PPP6R3: variants seen among roughly 807,000 people sequenced by gnomAD.
PPP6R3 encodes the protein serine/threonine-protein phosphatase 6 regulatory subunit 3.
PPP6R3 carries 38 observed loss-of-function variants against 110.7 expected under a neutral mutation model. The observed-to-expected ratio is 0.34, with a 90% CI of 0.26 to 0.45. The LOEUF is 0.45. Among genes scored for constraint, PPP6R3 ranks in the 20% least tolerant of loss-of-function variants. The pLI is 1.00. For missense variants in PPP6R3, 870 were observed against 1,062.4 expected, an observed-to-expected ratio of 0.82 and a Z score of 2.52; for synonymous variants, 369 against 373.5, an observed-to-expected ratio of 0.99 and a Z score of 0.14.
intron 1 of PPP6R3, among the ~76,000 whole-genome samples, chr11:68,512,707 A>C (rs2099116729): frequency 6.6e-6 from 1 of 152,186 alleles, no homozygotes. Flanking sequence ...AAACCTGGTG[A>C]AACATTAGGT....
rs2099096680 is a variant in PPP6R3 at position 68,509,486 on chromosome 11, T to TTTTTTG, written c.-157-10012_-157-10011insTTGTTT. On this transcript the variant is annotated intron_variant, in intron 1 of 23. Coordinates refer to ENST00000393800, the MANE Select transcript of PPP6R3 (RefSeq NM_001164161.2). ...TACTTCTCTATTTTTTTTTTTTTTT[T>TTTTTTG]TTTACCAAGTCCTGCTTAATTTTTT... Among the ~76,000 whole-genome samples the TTTTTTG allele has an allele frequency of 5.3e-5, 8 of 151,446 alleles. No individual in the cohort carries two copies. The South Asian group carries it at 1.7e-3, about 31-fold the overall frequency.
At chr11:68,539,064 A>G (rs558622110) in intron 3 of PPP6R3, among the ~76,000 whole-genome samples, 2 of 152,168 alleles carry the variant, frequency 1.3e-5, no homozygotes, top group Admixed American at 6.5e-5. Context: ...TGACAGACCT[A>G]CTAGTGTGCT....
intron 1 of PPP6R3, among the ~76,000 whole-genome samples, chr11:68,478,647 G>GTTTTTTTTTT (rs769296530): frequency 0.077 from 3,881 of 50,490 alleles, 1,485 homozygotes; most frequent in Middle Eastern, 0.091. Context: ...CACTTGGTAA[G>GTTTTTTTTTT]TTTTTTTTTT....
Position 68,613,137 on chromosome 11 carries a change from C to T in PPP6R3, c.*20C>T. On this transcript the variant is annotated 3_prime_UTR_variant, in exon 24 of 24. Coordinates refer to ENST00000393800, the MANE Select transcript of PPP6R3 (RefSeq NM_001164161.2). ...GTATGACGGGTGACGTCTGCTGCTG[C>T]TGACTGAGGACTGCAGACCGCCACC... The T allele has an allele frequency of 6.2e-7, 1 of 1,613,818 alleles. No homozygotes were observed. Among genetic ancestry groups the T allele is most frequent in the East Asian group, 2.2e-5 (1 of 44,860 alleles).
chr11:68,613,533 T>C lies in PPP6R3; in HGVS notation c.*416T>C. 1.0e-6 allele frequency: 1 copy of C among 987,278 alleles called. No homozygotes were observed. Among genetic ancestry groups the C allele is most frequent in the Non-Finnish European group, 1.2e-6 (1 of 830,952 alleles). The allele number at this position is 987,278 out of a possible 1,614,324, so 61.2% of individuals were successfully genotyped here. On this transcript the variant is annotated 3_prime_UTR_variant, in exon 24 of 24. Coordinates refer to ENST00000393800, the MANE Select transcript of PPP6R3 (RefSeq NM_001164161.2). ...AAGTATTAGGCGGTTTTCATACATT[T>C]TTCACCTTGTACAAAATTATGAATT...
At chr11:68,546,290 T>C (rs990512481) in intron 4 of PPP6R3, among the ~76,000 whole-genome samples, 6 of 152,212 alleles carry the variant, frequency 3.9e-5, no homozygotes, top group African/African-American at 1.2e-4. Flanking sequence ...CCTATCACCC[T>C]GATATTACCA....
chr11:68,526,334 G>A (rs557297813), intron 2 of PPP6R3, among the ~76,000 whole-genome samples: 71 of 152,068 alleles, frequency 4.7e-4, no homozygotes, highest in Admixed American at 7.9e-4. Context: ...CTGCTTCCCA[G>A]GCTCAAGTGA....
chr11:68,475,489 G>T (rs1250023157), intron 1 of PPP6R3, among the ~76,000 whole-genome samples: 2 of 152,008 alleles, frequency 1.3e-5, no homozygotes, highest in Non-Finnish European at 2.9e-5. Context: ...AGAAGGGGCG[G>T]CCGAGCAGAG....
At chr11:68,576,566 T>G (rs1326185901) in intron 14 of PPP6R3, among the ~76,000 whole-genome samples, 1 of 152,240 alleles carries the variant, frequency 6.6e-6, no homozygotes, top group Non-Finnish European at 1.5e-5. Flanking sequence ...AATAATGGCA[T>G]TGATAATTTT....
intron 14 of PPP6R3, among the ~76,000 whole-genome samples, chr11:68,577,720 G>A (rs1421275674): frequency 6.6e-6 from 1 of 152,028 alleles, no homozygotes; most frequent in Non-Finnish European, 1.5e-5. Context: ...AGAAGGGTGT[G>A]GTCATCCCGC....
rs189542273 is a variant in PPP6R3 at position 68,614,996 on chromosome 11, G to A, written c.*1879G>A. On this transcript the variant is annotated 3_prime_UTR_variant, in exon 24 of 24. Coordinates refer to ENST00000393800, the MANE Select transcript of PPP6R3 (RefSeq NM_001164161.2). ...CTGGTGGCTTCTCCATCCCACTGTG[G>A]CCTCTGTGGTATGGACCTGGTGGCT... 7.4e-5 allele frequency: 41 copies of A among 550,858 alleles called. No individual in the cohort carries two copies. The East Asian group carries it at 1.7e-3, about 23-fold the overall frequency. 34.1% of individuals were successfully genotyped at this position (550,858 alleles called of 1,614,324 possible).
intron 23 of PPP6R3, 147 bp from the exon 24 acceptor site, chr11:68,612,919 C>G: frequency 7.0e-7 from 1 of 1,431,862 alleles, no homozygotes; most frequent in Non-Finnish European, 9.3e-7. Flanking sequence ...TTGCTCCATT[C>G]ATTTACATAT....
chr11:68,593,090 C>T (rs1450178514), intron 18 of PPP6R3, among the ~76,000 whole-genome samples: 3 of 152,180 alleles, frequency 2.0e-5, no homozygotes, highest in Admixed American at 1.3e-4. Context: ...GAAATTTCAA[C>T]ATGTATATAC....
Position 68,613,115 on chromosome 11 carries a change from T to C in PPP6R3, c.2620T>C (p.Ter874ArgextTer9), listed in dbSNP as rs774439010. The C allele has an allele frequency of 4.3e-6, 7 of 1,613,990 alleles. No individual in the cohort carries two copies. Among genetic ancestry groups the C allele is most frequent in the Non-Finnish European group, 4.2e-6 (5 of 1,180,012 alleles). ...PGDTSVNGPV[*>R] is the part of the protein sequence containing the mutation. ...TGACACTTCAGTGAATGGCCCTGTA[T>C]GACGGGTGACGTCTGCTGCTGCTGA... The change falls in exon 24 of 24, where the codon TGA becomes CGA. Residue 874 changes from the stop codon to arginine, a stop_lost. Transcript: ENST00000393800.
intron 21 of PPP6R3, among the ~76,000 whole-genome samples, chr11:68,603,006 T>C (rs1409897176): frequency 2.6e-5 from 4 of 151,474 alleles, no homozygotes; most frequent in East Asian, 3.9e-4. Flanking sequence ...GAGGGTAGAG[T>C]GTGTAACTGC....
rs1156285158 is a variant in PPP6R3 at position 68,463,355 on chromosome 11, G to GAA, written c.-158+2549_-158+2550dup. On this transcript the variant is annotated intron_variant, in intron 1 of 23. Coordinates refer to ENST00000393800, the MANE Select transcript of PPP6R3 (RefSeq NM_001164161.2). ...GGAGACAGAGCGAGACTCAGTCTCA[G>GAA]AAAAAAAAAAAAAAAAAAAAAAGAT... Among the ~76,000 whole-genome samples, 176 of 54,410 alleles carry GAA rather than the reference G, an allele frequency of 3.2e-3. 2 individuals are homozygous for GAA. The highest frequency in any genetic ancestry group is 0.012 in the Middle Eastern group (1 of 84). 35.7% of individuals were successfully genotyped at this position (54,410 alleles called of 152,430 possible).
At chr11:68,566,150 A>G (rs1432958461) in intron 9 of PPP6R3, among the ~76,000 whole-genome samples, 1 of 152,154 alleles carries the variant, frequency 6.6e-6, no homozygotes, top group Non-Finnish European at 1.5e-5. Context: ...GCAACGTCTG[A>G]ATTTGCATTT....
intron 1 of PPP6R3, among the ~76,000 whole-genome samples, chr11:68,478,053 G>A (rs1012735786): frequency 6.6e-6 from 1 of 151,592 alleles, no homozygotes; most frequent in Admixed American, 6.6e-5. Context: ...GGTTTCAAGC[G>A]ATTGTCCTGC....
At chr11:68,511,691 G>T (rs2099111105) in intron 1 of PPP6R3, among the ~76,000 whole-genome samples, 1 of 150,078 alleles carries the variant, frequency 6.7e-6, no homozygotes, top group African/African-American at 2.5e-5. Context: ...ATGTTTGCCA[G>T]GCTGGTCTTA....
Sources: gnomAD v4.1 joint callset for allele counts (sites outside exome capture counted in the v4.1 genomes callset) on GRCh38, gnomAD v4.1.1 for gene constraint, MANE v1.5 for transcripts, NCBI Gene and HGNC (gene_info 2026-07-23, HGNC 2026-07-21) for gene names.